The following TAF1 variants were observed in gnomAD, a reference collection of about 807,000 sequenced individuals.
TAF1 encodes the protein TATA-box binding protein associated factor 1.
A neutral mutation model predicts 138.5 loss-of-function variants in TAF1; 2 were observed. The observed-to-expected ratio is 0.01, with a 90% CI of 0.01 to 0.05. The LOEUF is 0.05. Among genes scored for constraint, TAF1 ranks in the 10% least tolerant of loss-of-function variants. The pLI is 1.00. For missense variants in TAF1, 709 were observed against 1,478.0 expected (o/e 0.48, Z 8.53); for synonymous variants, 437 against 503.2 (o/e 0.87, Z 1.76).
At chrX:71,386,367 G>A (rs757438396) in intron 14 of TAF1, among the ~76,000 whole-genome samples, 4 of 111,533 alleles carry the variant, frequency 3.6e-5, no homozygotes, top group Non-Finnish European at 5.6e-5. Context: ...TGGCTCAAAT[G>A]TTTCTGTTCA....
rs780199519 is a variant in TAF1 at position 71,398,563 on chromosome X, A to G, written c.3621-9A>G. ...TGATTTTTCTTCCTCTGCTGCTCAC[A>G]CTGTTCAGTCGAAAATTTGCCCTTT... On this transcript the variant is annotated splice_polypyrimidine_tract_variant and intron_variant, in intron 23 of 37. Coordinates refer to ENST00000423759, the MANE Select transcript of TAF1 (RefSeq NM_004606.5). 3.3e-6 allele frequency: 4 copies of G among 1,210,010 alleles called. No homozygotes were observed. The South Asian group carries it at 5.3e-5, about 16-fold the overall frequency.
chrX:71,529,288 G>A (rs978688090), intron 14 of TAF1, among the ~76,000 whole-genome samples: 2 of 110,413 alleles, frequency 1.8e-5, no homozygotes, highest in Middle Eastern at 4.7e-3. Context: ...AGCCAGGATG[G>A]TCTCCATCTC....
rs974057297 is a variant in TAF1, at chrX:71,465,278, G to C, written c.*1232G>C. 8.9e-6 allele frequency: 1 copy of C among 112,097 alleles called. No individual in the cohort carries two copies. Among genetic ancestry groups the C allele is most frequent in the African/African-American group, 3.2e-5 (1 of 30,871 alleles). The allele number at this position is 112,097 out of a possible 1,213,427, so 9.2% of individuals were successfully genotyped here. ...TGTTAATAAATCATCATAGTACTGT[G>C]AGATAAGTGCAATTAAGAAGCTAGT... On this transcript the variant is annotated 3_prime_UTR_variant, in exon 38 of 38. Coordinates refer to ENST00000423759, the MANE Select transcript of TAF1 (RefSeq NM_004606.5).
chrX:71,408,201 T>C (rs372226448), intron 28 of TAF1, 50 bp downstream of exon 28: 111 of 1,178,668 alleles, frequency 9.4e-5, no homozygotes, highest in Non-Finnish European at 1.1e-4. Context: ...CAGATCCTTA[T>C]TCCTTACTGG....
intron 32 of TAF1, among the ~76,000 whole-genome samples, chrX:71,435,099 G>A (rs962872523): frequency 8.9e-6 from 1 of 112,080 alleles, no homozygotes; most frequent in Non-Finnish European, 1.9e-5. Context: ...TTCTCCTCTA[G>A]TGCTCTTAAA....
chrX:71,372,957 C>T (rs969296309), intron 3 of TAF1, among the ~76,000 whole-genome samples: 1 of 110,244 alleles, frequency 9.1e-6, no homozygotes, highest in African/African-American at 3.3e-5. Context: ...AGCTCCGCCT[C>T]CCAGGTTTAC....
chrX:71,379,104 G>GTTTTTTTTT (rs2033681489), intron 8 of TAF1, 73 bp downstream of exon 8: 15 of 370,408 alleles, frequency 4.0e-5, no homozygotes, highest in African/African-American at 1.8e-4. Flanking sequence ...GCTCAGCTGT[G>GTTTTTTTTT]ATTTTTTTTT....
intron 25 of TAF1, among the ~76,000 whole-genome samples, chrX:71,403,663 C>G (rs771732737): frequency 5.4e-5 from 6 of 111,101 alleles, no homozygotes; most frequent in Non-Finnish European, 9.4e-5. Context: ...ATGACCATTG[C>G]TTTATTCAGT....
intron 32 of TAF1, among the ~76,000 whole-genome samples, chrX:71,425,788 G>C (rs1054411120): frequency 8.0e-5 from 9 of 112,102 alleles, no homozygotes; most frequent in African/African-American, 2.9e-4. Context: ...AGTTTTTAAT[G>C]ACTCAATTTT....
At chrX:71,529,221 G>C (rs760494105) in intron 14 of TAF1, among the ~76,000 whole-genome samples, 1 of 110,135 alleles carries the variant, frequency 9.1e-6, no homozygotes, top group East Asian at 2.8e-4. Context: ...ACAGGTGCCC[G>C]CCACCACGCC....
intron 13 of TAF1, among the ~76,000 whole-genome samples, chrX:71,503,342 A>ATATATATATATGTG (rs1569408546): frequency 3.1e-5 from 3 of 96,585 alleles, no homozygotes; most frequent in African/African-American, 1.2e-4. Flanking sequence ...ATATATATAT[A>ATATATATATATGTG]TGTGTATATA....
At chrX:71,380,756 T>A (rs1242327468) in intron 8 of TAF1, among the ~76,000 whole-genome samples, 1 of 112,062 alleles carries the variant, frequency 8.9e-6, no homozygotes, top group Non-Finnish European at 1.9e-5. Context: ...GTTGGCGCGA[T>A]CTTGGCTCAC....
intron 34 of TAF1, among the ~76,000 whole-genome samples, chrX:71,456,644 A>ATTTTCTTTTTT (rs2038298555): frequency 6.7e-5 from 2 of 30,025 alleles, no homozygotes; most frequent in Non-Finnish European, 1.3e-4. Flanking sequence ...TCAATAATGT[A>ATTTTCTTTTTT]TTTTCTTTTT....
At chrX:71,400,746 A>G (rs1218058404) in intron 24 of TAF1, among the ~76,000 whole-genome samples, 2 of 112,640 alleles carry the variant, frequency 1.8e-5, no homozygotes, top group Non-Finnish European at 3.7e-5. Context: ...ATTCAGGGGA[A>G]GCACTTTATA....
intron 32 of TAF1, among the ~76,000 whole-genome samples, chrX:71,452,077 C>T (rs1185540867): frequency 4.7e-5 from 5 of 105,457 alleles, no homozygotes; most frequent in Admixed American, 9.9e-5. Context: ...CCCTCACCTC[C>T]CGGACGGGGC....
intron 32 of TAF1, among the ~76,000 whole-genome samples, chrX:71,448,949 G>C (rs1395158594): frequency 9.1e-6 from 1 of 109,387 alleles, no homozygotes; most frequent in Non-Finnish European, 1.9e-5. Flanking sequence ...CTCCCGAGTA[G>C]CTGGGACTAC....
At chrX:71,435,294 G>T (rs1439827375) in intron 32 of TAF1, among the ~76,000 whole-genome samples, 1 of 112,032 alleles carries the variant, frequency 8.9e-6, no homozygotes. Flanking sequence ...ACCTTTTGTG[G>T]GCTCTGATAG....
chrX:71,376,861 C>T lies in TAF1; in HGVS notation c.473-89C>T. ...GGGCCTATATCTCCTGGCATTGAGC[C>T]ATGTGTATAGCCTAAAGTGGGTGTT... On this transcript the variant is annotated intron_variant, in intron 4 of 37. Coordinates refer to ENST00000423759, the MANE Select transcript of TAF1 (RefSeq NM_004606.5). 7 of 1,137,415 alleles carry T rather than the reference C, an allele frequency of 6.2e-6. No homozygotes were observed. The South Asian group carries it at 1.4e-4, about 23-fold the overall frequency. The allele number at this position is 1,137,415 out of a possible 1,213,427, so 93.7% of individuals were successfully genotyped here.
intron 32 of TAF1, among the ~76,000 whole-genome samples, chrX:71,448,466 G>A (rs1215268382): frequency 8.9e-6 from 1 of 112,093 alleles, no homozygotes; most frequent in Non-Finnish European, 1.9e-5. Flanking sequence ...ACAGAATTTT[G>A]TTTATAGTTC....
Sources: gnomAD v4.1 joint callset for allele counts (sites outside exome capture counted in the v4.1 genomes callset) on GRCh38, gnomAD v4.1.1 for gene constraint, MANE v1.5 for transcripts, NCBI Gene and HGNC (gene_info 2026-07-23, HGNC 2026-07-21) for gene names.